LIN52: variants seen among roughly 807,000 people sequenced by gnomAD.
LIN52 encodes the protein lin-52 DREAM MuvB core complex component, also known as protein lin-52 homolog.
A neutral mutation model predicts 18.5 loss-of-function variants in LIN52; 4 were observed. The observed-to-expected ratio is 0.22, with a 90% CI of 0.11 to 0.49. The LOEUF is 0.49. LIN52 is among the 20% of genes least tolerant of loss of function. The pLI is 0.97. For synonymous variants in LIN52, 34 were observed against 45.5 expected, an observed-to-expected ratio of 0.75 and a Z score of 1.02; for missense variants, 102 against 139.5, an observed-to-expected ratio of 0.73 and a Z score of 1.35.
chr14:74,124,543 G>C (rs1341286070), intron 5 of LIN52, among the ~76,000 whole-genome samples: 2 of 152,122 alleles, frequency 1.3e-5, no homozygotes, highest in Non-Finnish European at 2.9e-5. Flanking sequence ...AGGTGTAGTG[G>C]CTCATGCCTG....
Position 74,198,300 on chromosome 14 carries a change from G to A in LIN52, c.284-622G>A, listed in dbSNP as rs375300602. On this transcript the variant is annotated intron_variant, in intron 5 of 5. Coordinates refer to ENST00000555028, the MANE Select transcript of LIN52 (RefSeq NM_001024674.3). ...TCAAAGATTGATGGTGCTGAAAGCC[G>A]GAGAAAGACACATAAACCTTGGCTG... 1.8e-4 allele frequency among the ~76,000 whole-genome samples: 27 copies of A among 152,212 alleles called. No homozygotes were observed. In the Middle Eastern group the frequency reaches 0.01, roughly 58 times the overall value.
chr14:74,130,026 TCC>T (rs1566856374), intron 5 of LIN52, among the ~76,000 whole-genome samples: 2 of 152,034 alleles, frequency 1.3e-5, no homozygotes, highest in East Asian at 1.9e-4. Flanking sequence ...GCAGGGAAAC[TCC>T]TCCTTTTAAA....
At chr14:74,087,319 G>A (rs1339067910) in intron 1 of LIN52, among the ~76,000 whole-genome samples, 1 of 151,150 alleles carries the variant, frequency 6.6e-6, no homozygotes. Flanking sequence ...AGGAGGCTGA[G>A]GCAGGAGAAT....
intron 5 of LIN52, among the ~76,000 whole-genome samples, chr14:74,105,529 C>T (rs2060891663): frequency 6.6e-6 from 1 of 152,078 alleles, no homozygotes; most frequent in Admixed American, 6.6e-5. Flanking sequence ...TTCTTACATA[C>T]AGTCTCTCTT....
At chr14:74,130,587 C>CCT (rs1566856707) in intron 5 of LIN52, among the ~76,000 whole-genome samples, 1 of 115,708 alleles carries the variant, frequency 8.6e-6, no homozygotes, top group Non-Finnish European at 1.8e-5. Flanking sequence ...CTAAATTGGC[C>CCT]ATTTTTTTTT....
intron 5 of LIN52, among the ~76,000 whole-genome samples, 169 bp from the exon 6 acceptor site, chr14:74,198,752 TA>T (rs1354543703): frequency 6.6e-6 from 1 of 152,262 alleles, no homozygotes. Flanking sequence ...TAGTTGTCTA[TA>T]GTGGTTTGTT....
intron 5 of LIN52, among the ~76,000 whole-genome samples, chr14:74,165,157 A>G (rs904776968): frequency 2.6e-5 from 4 of 152,196 alleles, no homozygotes; most frequent in African/African-American, 4.8e-5. Context: ...TAGTATTTGT[A>G]TAATCATAAT....
chr14:74,182,526 A>C (rs12894483), intron 5 of LIN52, among the ~76,000 whole-genome samples: 3 of 123,360 alleles, frequency 2.4e-5, no homozygotes, highest in Admixed American at 9.4e-5. Context: ...GCTGATTTGG[A>C]CAAATCAGCA....
chr14:74,115,213 A>G (rs866666851), intron 5 of LIN52, among the ~76,000 whole-genome samples: 1 of 152,220 alleles, frequency 6.6e-6, no homozygotes, highest in Non-Finnish European at 1.5e-5. Context: ...CAGATTGCCA[A>G]ATTATCTTCC....
intron 5 of LIN52, among the ~76,000 whole-genome samples, chr14:74,140,452 T>C (rs1258225118): frequency 6.6e-6 from 1 of 152,192 alleles, no homozygotes; most frequent in African/African-American, 2.4e-5. Flanking sequence ...TAGAACAAGA[T>C]AAAAATGCCC....
At chr14:74,157,723 C>T (rs993439990) in intron 5 of LIN52, among the ~76,000 whole-genome samples, 1 of 151,992 alleles carries the variant, frequency 6.6e-6, no homozygotes, top group Admixed American at 6.6e-5. Context: ...CATACTCCTG[C>T]TTATCAAAGT....
chr14:74,142,148 T>C (rs2061134153), intron 5 of LIN52, among the ~76,000 whole-genome samples: 2 of 152,208 alleles, frequency 1.3e-5, no homozygotes, highest in African/African-American at 4.8e-5. Flanking sequence ...TGTATGCAAA[T>C]TGAATGGTAG....
intron 5 of LIN52, among the ~76,000 whole-genome samples, chr14:74,126,165 C>G (rs1016332861): frequency 1.3e-5 from 2 of 152,050 alleles, no homozygotes; most frequent in African/African-American, 2.4e-5. Flanking sequence ...AAATCAAAAC[C>G]AGGGTGATAC....
intron 4 of LIN52, among the ~76,000 whole-genome samples, 194 bp downstream of exon 4, chr14:74,098,054 G>T (rs2060827366): frequency 6.6e-6 from 1 of 152,028 alleles, no homozygotes; most frequent in Non-Finnish European, 1.5e-5. Context: ...GCCAATTCAA[G>T]ACTCAGTCAT....
chr14:74,174,743 A>G (rs944595558), intron 5 of LIN52: 1 of 150,418 alleles, frequency 6.6e-6, no homozygotes, highest in Non-Finnish European at 1.5e-5. Context: ...ACAAAGTGAG[A>G]CCCCTTCTCT....
chr14:74,158,657 T>G (rs2061211357), intron 5 of LIN52, among the ~76,000 whole-genome samples: 1 of 152,032 alleles, frequency 6.6e-6, no homozygotes, highest in Admixed American at 6.6e-5. Context: ...TTTGTATTTT[T>G]AGTAGAGATG....
intron 5 of LIN52, among the ~76,000 whole-genome samples, chr14:74,152,314 G>C (rs948077878): frequency 6.8e-6 from 1 of 147,720 alleles, no homozygotes; most frequent in African/African-American, 2.5e-5. Context: ...CTACAGATGG[G>C]CTCTACATTG....
At chr14:74,191,539 A>C (rs1032573748) in intron 5 of LIN52, among the ~76,000 whole-genome samples, 1 of 152,230 alleles carries the variant, frequency 6.6e-6, no homozygotes, top group Admixed American at 6.5e-5. Context: ...ACTATAACAA[A>C]TGGCATCATT....
At chr14:74,172,948 A>G (rs980596185) in intron 5 of LIN52, among the ~76,000 whole-genome samples, 1 of 152,198 alleles carries the variant, frequency 6.6e-6, no homozygotes, top group African/African-American at 2.4e-5. Flanking sequence ...AGAACTCCTA[A>G]TCCTGTATAA....
Sources: gnomAD v4.1 joint callset for allele counts (sites outside exome capture counted in the v4.1 genomes callset) on GRCh38, gnomAD v4.1.1 for gene constraint, MANE v1.5 for transcripts, NCBI Gene and HGNC (gene_info 2026-07-23, HGNC 2026-07-21) for gene names.